GLIS3: variants seen among roughly 807,000 people sequenced by gnomAD.
GLIS3 encodes the protein zinc finger protein GLIS3.
A neutral mutation model predicts 78.6 loss-of-function variants in GLIS3; 53 were observed. The ratio of observed to expected loss-of-function variants is 0.67; its 90% CI spans 0.54 to 0.85. GLIS3 has a LOEUF of 0.85. GLIS3 is among the 40% of genes least tolerant of loss of function. GLIS3 has a pLI of 0.00. For synonymous variants in GLIS3, 684 were observed against 509.9 expected (o/e 1.34, Z -4.60); for missense variants, 1,703 against 1,231.1 (o/e 1.38, Z -5.74).
At chr9:4,203,657 G>T (rs112897694) in intron 2 of GLIS3, among the ~76,000 whole-genome samples, 1 of 152,198 alleles carries the variant, frequency 6.6e-6, no homozygotes, top group African/African-American at 2.4e-5. Context: ...ATGCACTCGT[G>T]TGTTCACTGC....
At chr9:4,034,547 G>T (rs1014824590) in intron 4 of GLIS3, 1 of 152,170 alleles carries the variant, frequency 6.6e-6, no homozygotes, top group African/African-American at 2.4e-5. Flanking sequence ...TCCTTTGGTC[G>T]TGTTGGCTGT....
chr9:4,121,636 CA>C (rs1045747610), intron 3 of GLIS3, among the ~76,000 whole-genome samples: 1 of 151,510 alleles, frequency 6.6e-6, no homozygotes, highest in African/African-American at 2.4e-5. Context: ...CACACACACA[CA>C]CACACACACA....
intron 4 of GLIS3, among the ~76,000 whole-genome samples, chr9:4,101,257 G>C (rs1830349643): frequency 6.6e-6 from 1 of 152,090 alleles, no homozygotes; most frequent in Non-Finnish European, 1.5e-5. Context: ...ATTATGCATG[G>C]GACAGTGCTT....
intron 4 of GLIS3, among the ~76,000 whole-genome samples, chr9:3,945,298 C>T (rs184467429): frequency 5.3e-4 from 80 of 152,130 alleles, no homozygotes; most frequent in African/African-American, 1.7e-3. Context: ...AAATATAAAG[C>T]GTACAAATAA....
At chr9:4,236,170 T>A (rs1361132644) in intron 2 of GLIS3, among the ~76,000 whole-genome samples, 2 of 101,180 alleles carry the variant, frequency 2.0e-5, no homozygotes, top group African/African-American at 7.9e-5. Context: ...TAGGAAAACT[T>A]GACGTGGTTG....
intron 7 of GLIS3, among the ~76,000 whole-genome samples, chr9:3,883,988 C>G (rs1162511634): frequency 1.3e-5 from 2 of 152,186 alleles, no homozygotes; most frequent in African/African-American, 4.8e-5. Context: ...AGTCTCTCAT[C>G]CATCTACAGT....
chr9:4,466,222 T>C, the GLIS3 span, among the ~76,000 whole-genome samples: 2 of 152,306 alleles, frequency 1.3e-5, no homozygotes, highest in African/African-American at 2.4e-5. Flanking sequence ...AGACAATTCA[T>C]TGTAAGACAC....
intron 7 of GLIS3, among the ~76,000 whole-genome samples, chr9:3,891,589 C>G (rs1351051117): frequency 6.6e-6 from 1 of 152,084 alleles, no homozygotes; most frequent in Non-Finnish European, 1.5e-5. Context: ...GAAGTCTCAG[C>G]TACTCAGAAG....
upstream of GLIS3, among the ~76,000 whole-genome samples, chr9:4,350,123 G>C (rs575922156): frequency 4.7e-4 from 72 of 152,330 alleles, no homozygotes; most frequent in African/African-American, 1.7e-3. Context: ...TCAGGCATAG[G>C]AGTTCCATCA....
intron 4 of GLIS3, among the ~76,000 whole-genome samples, chr9:4,063,882 C>T (rs1300387373): frequency 2.0e-5 from 3 of 152,072 alleles, no homozygotes; most frequent in Non-Finnish European, 4.4e-5. Flanking sequence ...TGTGTGAGTT[C>T]CCAATATTCA....
Position 4,207,603 on chromosome 9 carries a change from C to T in GLIS3, c.388+78435G>A, listed in dbSNP as rs112907662. ...TTACACATAGTAAGATCTTCACAGA[C>T]ATTATTGCCTTTAATCTCCACAGCC... On this transcript the variant is annotated intron_variant, in intron 2 of 10. Coordinates refer to ENST00000381971, the MANE Select transcript of GLIS3 (RefSeq NM_001042413.2). Among the ~76,000 whole-genome samples the T allele has an allele frequency of 7.2e-3, 1,103 of 152,248 alleles. 22 individuals are homozygous for T. Among genetic ancestry groups the T allele is most frequent in the African/African-American group, 0.025 (1,049 of 41,540 alleles).
chr9:3,974,367 T>C (rs1818613704), intron 4 of GLIS3, among the ~76,000 whole-genome samples: 1 of 152,240 alleles, frequency 6.6e-6, no homozygotes, highest in East Asian at 1.9e-4. Flanking sequence ...AACAGTGGGG[T>C]TGTGTTTCTG....
the GLIS3 span, among the ~76,000 whole-genome samples, chr9:4,358,020 T>C: frequency 2.6e-5 from 4 of 152,150 alleles, no homozygotes; most frequent in African/African-American, 9.7e-5. Context: ...ATAAGATAGG[T>C]CTGTATGATC....
rs938157422 is a variant in GLIS3 at position 3,824,740 on chromosome 9, G to A, written c.*3532C>T. ...ATGCAGTTCATTTCTCTACGTGAGT[G>A]TATATAACTATGTACAAGAGTCTGT... On this transcript the variant is annotated 3_prime_UTR_variant, in exon 11 of 11. Transcript: ENST00000381971. 1.3e-5 allele frequency: 2 copies of A among 152,546 alleles called. No individual in the cohort carries two copies. The highest frequency in any genetic ancestry group is 2.9e-5 in the Non-Finnish European group (2 of 68,032). 9.4% of individuals were successfully genotyped at this position (152,546 alleles called of 1,614,324 possible). A position where few individuals can be genotyped will look rare whatever the true frequency, so the allele number is the denominator to read the frequency against.
At chr9:4,363,715 G>A in the GLIS3 span, among the ~76,000 whole-genome samples, 13 of 152,246 alleles carry the variant, frequency 8.5e-5, no homozygotes, top group African/African-American at 3.1e-4. Context: ...TAAGTACACT[G>A]GTTCACGTCT....
chr9:4,489,407 T>C, the GLIS3 span, among the ~76,000 whole-genome samples: 2 of 152,198 alleles, frequency 1.3e-5, no homozygotes, highest in Non-Finnish European at 2.9e-5. Flanking sequence ...GGGGAAATTC[T>C]CCCTACCCAC....
intron 4 of GLIS3, among the ~76,000 whole-genome samples, chr9:4,104,305 T>C (rs1030665812): frequency 6.6e-6 from 1 of 152,126 alleles, no homozygotes; most frequent in African/African-American, 2.4e-5. Flanking sequence ...TCCAGGTGCA[T>C]GAACCAAACC....
At chr9:4,047,041 TC>T (rs1373182591) in intron 4 of GLIS3, among the ~76,000 whole-genome samples, 1 of 152,116 alleles carries the variant, frequency 6.6e-6, no homozygotes. Flanking sequence ...TGGCTCTATG[TC>T]CCCACCAAAA....
At chr9:3,901,945 T>G (rs1245820752) in intron 6 of GLIS3, among the ~76,000 whole-genome samples, 1 of 152,206 alleles carries the variant, frequency 6.6e-6, no homozygotes, top group East Asian at 1.9e-4. Context: ...TAAAATATGA[T>G]CTGGGGTCCA....
Sources: gnomAD v4.1 joint callset for allele counts (sites outside exome capture counted in the v4.1 genomes callset) on GRCh38, gnomAD v4.1.1 for gene constraint, MANE v1.5 for transcripts, NCBI Gene and HGNC (gene_info 2026-07-23, HGNC 2026-07-21) for gene names.